Variants in RBFOX1 observed in about 807,000 individuals in gnomAD.
RBFOX1 encodes RNA binding fox-1 homolog 1, also known as RNA binding protein fox-1 homolog 1.
A neutral mutation model predicts 57.7 loss-of-function variants in RBFOX1; 8 were observed. The observed-to-expected ratio is 0.14, with a 90% confidence interval of 0.08 to 0.25. The LOEUF (loss-of-function observed/expected upper bound fraction) is 0.25. RBFOX1 is among the 10% of genes least tolerant of loss of function. The probability of loss-of-function intolerance (pLI) is 1.00; values close to 1 mark genes in which losing one functional copy is unlikely to be tolerated. For synonymous variants in RBFOX1, 326 were observed against 222.4 expected (o/e 1.47, Z -4.15); for missense variants, 611 against 548.5 (o/e 1.11, Z -1.14).
At chr16:6,794,132 C>T (rs912417521) in intron 3 of RBFOX1, among the ~76,000 whole-genome samples, 2 of 152,184 alleles carry the variant, frequency 1.3e-5, no homozygotes, top group East Asian at 1.9e-4. Flanking sequence ...ACTGTTAAAT[C>T]GCTCCTATGC....
At chr16:7,314,335 A>G (rs2142863947) in intron 4 of RBFOX1, among the ~76,000 whole-genome samples, 1 of 152,186 alleles carries the variant, frequency 6.6e-6, no homozygotes, top group South Asian at 2.1e-4. Context: ...TTCATAACGG[A>G]ATTTCAGGGA....
At chr16:5,785,827 A>G (rs1267146696) in intron 3 of RBFOX1, among the ~76,000 whole-genome samples, 1 of 152,076 alleles carries the variant, frequency 6.6e-6, no homozygotes, top group Admixed American at 6.6e-5. Context: ...GCACCCGGCC[A>G]AGATGTCTGC....
At chr16:5,372,536 T>G (rs1194360742) in intron 1 of RBFOX1, among the ~76,000 whole-genome samples, 1 of 152,194 alleles carries the variant, frequency 6.6e-6, no homozygotes, top group African/African-American at 2.4e-5. Context: ...GGCACACAGG[T>G]TGGCCTACAC....
At chr16:7,057,547 C>G (rs747782466) in intron 4 of RBFOX1, among the ~76,000 whole-genome samples, 1 of 152,182 alleles carries the variant, frequency 6.6e-6, no homozygotes, top group Non-Finnish European at 1.5e-5. Context: ...ATCCTCGTTA[C>G]AAATTCCTGG....
At chr16:6,844,543 A>G (rs1251244765) in intron 3 of RBFOX1, among the ~76,000 whole-genome samples, 1 of 151,822 alleles carries the variant, frequency 6.6e-6, no homozygotes, top group African/African-American at 2.4e-5. Context: ...ATAGTATTCC[A>G]TGGTGTATAT....
Position 5,434,317 on chromosome 16 carries a change from C to CTTT in RBFOX1, c.220-32879_220-32877dup, listed in dbSNP as rs5815245. Among the ~76,000 whole-genome samples, 357 of 79,714 alleles carry CTTT rather than the reference C, an allele frequency of 4.5e-3. 32 individuals are homozygous for CTTT. The highest frequency in any genetic ancestry group is 0.016 in the African/African-American group (311 of 19,692). The allele number at this position is 79,714 out of a possible 152,430, so 52.3% of individuals were successfully genotyped here. ...AGAGGGAGCCATCTCTGCTGAAGTC[C>CTTT]TTTTTTTTTTTTTTTTTTTTTTGAG... On this transcript the variant is annotated intron_variant, in intron 1 of 2. Transcript: ENST00000585867.
chr16:6,836,593 G>C (rs1368791603), intron 3 of RBFOX1, among the ~76,000 whole-genome samples: 1 of 152,166 alleles, frequency 6.6e-6, no homozygotes, highest in East Asian at 1.9e-4. Flanking sequence ...CATCTTTCAA[G>C]ACTTGGCTCA....
At chr16:6,947,706 T>A (rs2079841558) in intron 3 of RBFOX1, among the ~76,000 whole-genome samples, 1 of 152,242 alleles carries the variant, frequency 6.6e-6, no homozygotes, top group Non-Finnish European at 1.5e-5. Context: ...CTCAGTTTGC[T>A]GAAATCTATT....
At chr16:7,172,729 C>T (rs2080942177) in intron 4 of RBFOX1, among the ~76,000 whole-genome samples, 1 of 152,212 alleles carries the variant, frequency 6.6e-6, no homozygotes, top group African/African-American at 2.4e-5. Context: ...AGTTCACCTA[C>T]ATGGGGGCTC....
chr16:5,911,838 A>G (rs980729111), intron 4 of RBFOX1, among the ~76,000 whole-genome samples: 3 of 151,978 alleles, frequency 2.0e-5, no homozygotes, highest in Non-Finnish European at 4.4e-5. Flanking sequence ...ACTCATCTCA[A>G]CCATGAGGGC....
At chr16:6,448,110 C>G (rs1277505034) in intron 2 of RBFOX1, among the ~76,000 whole-genome samples, 1 of 146,126 alleles carries the variant, frequency 6.8e-6, no homozygotes, top group Non-Finnish European at 1.5e-5. Context: ...TTTTTTATAA[C>G]ATATAACTGA....
intron 5 of RBFOX1, among the ~76,000 whole-genome samples, chr16:7,523,320 C>G (rs190867702): frequency 1.3e-3 from 192 of 152,226 alleles, no homozygotes; most frequent in African/African-American, 4.4e-3. Flanking sequence ...AATTTTGAAA[C>G]AGAAGAGAAG....
intron 4 of RBFOX1, among the ~76,000 whole-genome samples, chr16:5,895,371 C>T (rs1448515940): frequency 6.6e-6 from 1 of 152,178 alleles, no homozygotes; most frequent in East Asian, 1.9e-4. Context: ...TATTAGATTT[C>T]TAAGATGAGC....
chr16:6,218,757 C>G (rs1219383422), intron 1 of RBFOX1, among the ~76,000 whole-genome samples: 1 of 151,970 alleles, frequency 6.6e-6, no homozygotes, highest in East Asian at 1.9e-4. Context: ...CCACTGGTTC[C>G]CGGTCTCCTT....
At chr16:5,454,575 C>G (rs749200546) in intron 1 of RBFOX1, among the ~76,000 whole-genome samples, 6 of 152,104 alleles carry the variant, frequency 3.9e-5, no homozygotes, top group Non-Finnish European at 8.8e-5. Flanking sequence ...AAAGATTGAC[C>G]TCCTTTGAGC....
intron 4 of RBFOX1, among the ~76,000 whole-genome samples, chr16:7,245,420 C>T (rs993786057): frequency 2.0e-5 from 3 of 150,634 alleles, no homozygotes; most frequent in African/African-American, 4.9e-5. Context: ...CCTATCAACC[C>T]GTCACCTAGT....
chr16:6,251,221 G>A (rs1361010735), intron 1 of RBFOX1, among the ~76,000 whole-genome samples: 1 of 152,166 alleles, frequency 6.6e-6, no homozygotes. Context: ...ACACTGACAA[G>A]TATTAACTAA....
intron 1 of RBFOX1, among the ~76,000 whole-genome samples, chr16:6,235,409 C>T (rs35271072): frequency 0.063 from 9,522 of 152,166 alleles, 446 homozygotes; most frequent in Non-Finnish European, 0.098. Context: ...CGCATATCTA[C>T]CCAGAGGAAA....
intron 3 of RBFOX1, among the ~76,000 whole-genome samples, chr16:5,680,865 C>G (rs2050310450): frequency 1.3e-5 from 2 of 151,442 alleles, no homozygotes; most frequent in African/African-American, 2.4e-5. Flanking sequence ...ACAAGACGTG[C>G]AAGTTCCTTG....
Sources: allele counts gnomAD v4.1 joint callset (sites outside exome capture counted in the v4.1 genomes callset), GRCh38; gene constraint gnomAD v4.1.1; transcripts MANE v1.5; gene names NCBI Gene and HGNC (gene_info 2026-07-23, HGNC 2026-07-21).